The following EVL variants were observed in gnomAD, a reference collection of about 807,000 sequenced individuals.
EVL encodes Enah/Vasp-like, also known as ena/VASP-like protein.
EVL carries 21 observed loss-of-function variants against 59.6 expected under a neutral mutation model. The observed-to-expected ratio is 0.35, with a 90% CI of 0.25 to 0.51. The LOEUF is 0.51. Among genes scored for constraint, EVL ranks in the 20% least tolerant of loss-of-function variants. EVL has a pLI of 0.97. For missense variants in EVL, 462 were observed against 546.6 expected (o/e 0.85, Z 1.54); for synonymous variants, 198 against 203.5 (o/e 0.97, Z 0.23).
At chr14:100,020,510 G>C (rs74382422) in intron 1 of EVL, among the ~76,000 whole-genome samples, 3,188 of 152,094 alleles carry the variant, frequency 0.021, 123 homozygotes, top group African/African-American at 0.073. Flanking sequence ...ACTTCTGAAA[G>C]CTTCTCATTT....
At chr14:99,980,369 G>A (rs2060798543) in intron 1 of EVL, among the ~76,000 whole-genome samples, 1 of 152,132 alleles carries the variant, frequency 6.6e-6, no homozygotes, top group Non-Finnish European at 1.5e-5. Context: ...GTTGTGGCTG[G>A]TAATGCCTAC....
intron 1 of EVL, among the ~76,000 whole-genome samples, chr14:100,045,573 C>T (rs1005270497): frequency 6.6e-6 from 1 of 152,204 alleles, no homozygotes; most frequent in African/African-American, 2.4e-5. Context: ...AGCACTCAGT[C>T]AAGTTGAAAG....
chr14:100,058,974 G>C (rs1399444836), intron 1 of EVL, among the ~76,000 whole-genome samples: 1 of 152,200 alleles, frequency 6.6e-6, no homozygotes, highest in Non-Finnish European at 1.5e-5. Flanking sequence ...AGGAAATGAG[G>C]GGTGAAACTG....
chr14:100,133,135 G>T (rs539536740), intron 8 of EVL, among the ~76,000 whole-genome samples: 2 of 152,338 alleles, frequency 1.3e-5, no homozygotes, highest in South Asian at 4.1e-4. Context: ...CTGCAGAGGG[G>T]CACGTCTGCC....
In EVL at chr14:100,144,018, G is replaced by A. The variant is rs189744644; in HGVS notation, c.*280G>A. 2.0e-4 allele frequency: 95 copies of A among 485,136 alleles called. 3 individuals are homozygous for A. Among genetic ancestry groups the A allele is most frequent in the Admixed American group, 1.3e-3 (36 of 27,144 alleles). 30.1% of individuals were successfully genotyped at this position (485,136 alleles called of 1,614,324 possible). The stretch of plus-strand genomic sequence containing the variant: ...TACATTTCTTTGGGTTTCTAGAGAC[G>A]CCCCTAAGTCACCTGCTTCATTAGA... On this transcript the variant is annotated 3_prime_UTR_variant, in exon 14 of 14. Coordinates refer to ENST00000392920, the MANE Select transcript of EVL (RefSeq NM_016337.3).
chr14:100,074,114 G>A (rs1269417197), intron 1 of EVL, among the ~76,000 whole-genome samples: 3 of 152,130 alleles, frequency 2.0e-5, no homozygotes, highest in African/African-American at 4.8e-5. Context: ...GCTCAGGAGC[G>A]GGCCCTCAGT....
At chr14:99,976,802 C>T (rs1214985027) in intron 1 of EVL, among the ~76,000 whole-genome samples, 1 of 152,216 alleles carries the variant, frequency 6.6e-6, no homozygotes, top group African/African-American at 2.4e-5. Flanking sequence ...CACCTTTACT[C>T]TCCACCCCAG....
intron 2 of EVL, among the ~76,000 whole-genome samples, chr14:100,092,476 CA>C (rs2062585839): frequency 6.6e-6 from 1 of 152,022 alleles, no homozygotes; most frequent in African/African-American, 2.4e-5. Context: ...GGTTCACACC[CA>C]TAATCCCAAC....
At chr14:100,066,348 C>G (rs1343102855) in intron 1 of EVL, 1 of 152,182 alleles carries the variant, frequency 6.6e-6, no homozygotes, top group Non-Finnish European at 1.5e-5. Flanking sequence ...TGTTTCGTAG[C>G]TGAGAAAACC....
chr14:100,018,537 C>G (rs992120674), intron 1 of EVL, among the ~76,000 whole-genome samples: 9 of 152,286 alleles, frequency 5.9e-5, no homozygotes, highest in African/African-American at 1.9e-4. Flanking sequence ...TCTTCCACCC[C>G]TTCTCTAAAA....
At chr14:100,103,784 C>T (rs1032421802) in intron 3 of EVL, among the ~76,000 whole-genome samples, 2 of 152,164 alleles carry the variant, frequency 1.3e-5, no homozygotes, top group Non-Finnish European at 2.9e-5. Flanking sequence ...TGGATCCCAG[C>T]GCCCATCACA....
At chr14:100,141,428 C>T (rs1889157507) in intron 12 of EVL, among the ~76,000 whole-genome samples, 182 bp downstream of exon 12, 1 of 152,226 alleles carries the variant, frequency 6.6e-6, no homozygotes, top group Non-Finnish European at 1.5e-5. Context: ...CAGCCCCTGC[C>T]ATCACCAGAA....
chr14:100,051,334 T>A (rs939460349), intron 1 of EVL, among the ~76,000 whole-genome samples: 42 of 152,136 alleles, frequency 2.8e-4, no homozygotes, highest in African/African-American at 9.9e-4. Context: ...TCAGATCTAC[T>A]CTTGCTTATG....
intron 1 of EVL, among the ~76,000 whole-genome samples, chr14:100,070,870 CAG>C (rs1307053307): frequency 6.6e-6 from 1 of 152,174 alleles, no homozygotes; most frequent in African/African-American, 2.4e-5. Flanking sequence ...GATGAAGACA[CAG>C]AGCAAAATAT....
intron 1 of EVL, among the ~76,000 whole-genome samples, chr14:100,059,141 T>C (rs755044210): frequency 6.6e-6 from 1 of 151,846 alleles, no homozygotes; most frequent in Non-Finnish European, 1.5e-5. Context: ...AAAGCAACTA[T>C]GAAACTGTGT....
chr14:100,054,691 G>A (rs147274064), intron 1 of EVL, among the ~76,000 whole-genome samples: 7 of 152,258 alleles, frequency 4.6e-5, no homozygotes, highest in African/African-American at 1.7e-4. Flanking sequence ...AGTAAGGGCT[G>A]TGGCCTGTGC....
intron 1 of EVL, among the ~76,000 whole-genome samples, chr14:100,021,894 T>C (rs1238360187): frequency 6.6e-6 from 1 of 152,030 alleles, no homozygotes. Context: ...CACCGGTCAC[T>C]TGGGGAGGTT....
chr14:100,074,338 A>G (rs1430471577), intron 1 of EVL, among the ~76,000 whole-genome samples: 2 of 152,328 alleles, frequency 1.3e-5, no homozygotes, highest in South Asian at 2.1e-4. Context: ...CTTGCCTCAT[A>G]TGGATTTGCT....
chr14:100,033,880 A>C (rs1036211431), intron 1 of EVL, among the ~76,000 whole-genome samples: 2 of 152,182 alleles, frequency 1.3e-5, no homozygotes, highest in African/African-American at 4.8e-5. Context: ...AGTCATACAC[A>C]AGACTTCGTG....
Sources: gnomAD v4.1 joint callset for allele counts (sites outside exome capture counted in the v4.1 genomes callset) on GRCh38, gnomAD v4.1.1 for gene constraint, MANE v1.5 for transcripts, NCBI Gene and HGNC (gene_info 2026-07-23, HGNC 2026-07-21) for gene names.